SLC71A2: variants seen among roughly 807,000 people sequenced by gnomAD.
SLC71A2 encodes solute carrier family 71 member 2.
chr9:94,458,215 A>T, the SLC71A2 span: 1 of 910,468 alleles, frequency 1.1e-6, no homozygotes. Flanking sequence ...TCTTTTCCTC[A>T]GTCTTGCCGA....
the SLC71A2 span, chr9:94,441,041 T>C: frequency 4.3e-6 from 7 of 1,612,084 alleles, no homozygotes; most frequent in Middle Eastern, 1.6e-4. Flanking sequence ...TTTTCTGTTA[T>C]ATTTGCCTAT....
At chr9:94,416,122 CG>C in the SLC71A2 span, among the ~76,000 whole-genome samples, 1 of 152,030 alleles carries the variant, frequency 6.6e-6, no homozygotes, top group Admixed American at 6.6e-5. Flanking sequence ...GAAAAGATGA[CG>C]GGGGCAGATA....
At chr9:94,437,464 T>C in the SLC71A2 span, among the ~76,000 whole-genome samples, 3 of 152,162 alleles carry the variant, frequency 2.0e-5, no homozygotes, top group African/African-American at 7.2e-5. Flanking sequence ...TTTGCTTCTG[T>C]GTGGTGTTAT....
the SLC71A2 span, among the ~76,000 whole-genome samples, chr9:94,424,084 ATTC>A: frequency 2.6e-5 from 4 of 152,176 alleles, no homozygotes; most frequent in Non-Finnish European, 4.4e-5. Context: ...TATTGAAAAA[ATTC>A]TTCTTTCCCC....
the SLC71A2 span, among the ~76,000 whole-genome samples, chr9:94,452,673 A>G: frequency 3.6e-5 from 2 of 55,638 alleles, no homozygotes; most frequent in East Asian, 5.3e-4. Flanking sequence ...ATATTCATAT[A>G]TATTCATATA....
the SLC71A2 span, among the ~76,000 whole-genome samples, chr9:94,388,173 G>T: frequency 6.6e-6 from 1 of 152,076 alleles, no homozygotes; most frequent in African/African-American, 2.4e-5. Flanking sequence ...TAAATTATTA[G>T]TCAGCCAGAT....
the SLC71A2 span, among the ~76,000 whole-genome samples, chr9:94,414,853 T>C: frequency 2.6e-5 from 4 of 152,076 alleles, no homozygotes; most frequent in East Asian, 5.8e-4. Flanking sequence ...AGAGGTGGGG[T>C]TTCACTATGT....
chr9:94,403,326 C>T, the SLC71A2 span, among the ~76,000 whole-genome samples: 5 of 151,782 alleles, frequency 3.3e-5, no homozygotes, highest in African/African-American at 4.8e-5. Flanking sequence ...TTAGTAGAGA[C>T]GGGTTTGCAC....
At chr9:94,377,461 T>A in the SLC71A2 span, among the ~76,000 whole-genome samples, 4 of 149,888 alleles carry the variant, frequency 2.7e-5, no homozygotes, top group African/African-American at 9.8e-5. Context: ...CCTTAAATTC[T>A]TGGGCTCAAG....
the SLC71A2 span, among the ~76,000 whole-genome samples, chr9:94,441,492 A>AC: frequency 6.6e-6 from 1 of 152,100 alleles, no homozygotes; most frequent in African/African-American, 2.4e-5. Flanking sequence ...ATGAGAAACT[A>AC]CCCCCATGAT....
chr9:94,452,759 G>A, the SLC71A2 span, among the ~76,000 whole-genome samples: 2 of 144,108 alleles, frequency 1.4e-5, no homozygotes, highest in South Asian at 4.3e-4. Flanking sequence ...ATTATATATA[G>A]GTATTGATAA....
the SLC71A2 span, among the ~76,000 whole-genome samples, chr9:94,434,322 T>G: frequency 1.3e-5 from 2 of 152,218 alleles, no homozygotes; most frequent in Admixed American, 6.5e-5. Context: ...AGACTTGTCT[T>G]TTTTATTTTT....
the SLC71A2 span, among the ~76,000 whole-genome samples, chr9:94,402,559 G>T: frequency 1.3e-5 from 2 of 152,070 alleles, no homozygotes; most frequent in African/African-American, 2.4e-5. Flanking sequence ...TTGGGTTGTT[G>T]TATTAGTGAC....
At chr9:94,435,953 T>A in the SLC71A2 span, among the ~76,000 whole-genome samples, 7 of 140,332 alleles carry the variant, frequency 5.0e-5, no homozygotes, top group East Asian at 1.4e-3. Context: ...ACCTGGCCCC[T>A]TTTTCATTCT....
At chr9:94,375,315 C>T in the SLC71A2 span, among the ~76,000 whole-genome samples, 3 of 151,782 alleles carry the variant, frequency 2.0e-5, no homozygotes, top group Admixed American at 2.0e-4. Flanking sequence ...GCGGCAGATG[C>T]CGGGCAGCGC....
the SLC71A2 span, among the ~76,000 whole-genome samples, chr9:94,448,907 A>G: frequency 6.6e-6 from 1 of 152,218 alleles, no homozygotes; most frequent in East Asian, 1.9e-4. Flanking sequence ...TGCTGGGATT[A>G]TAGGCATGAG....
the SLC71A2 span, among the ~76,000 whole-genome samples, chr9:94,392,506 AT>A: frequency 0.48 from 71,146 of 147,142 alleles, 17,009 homozygotes; most frequent in East Asian, 0.59. Flanking sequence ...ATTTAAAAGC[AT>A]TTTTTTTTTT....
chr9:94,402,011 T>C, the SLC71A2 span, among the ~76,000 whole-genome samples: 16 of 152,160 alleles, frequency 1.1e-4, no homozygotes, highest in Non-Finnish European at 2.2e-4. Context: ...GTCATGGCAC[T>C]GGTGGGAGTA....
At chr9:94,433,116 ACACAATG>A in the SLC71A2 span, 1 of 304,398 alleles carries the variant, frequency 3.3e-6, no homozygotes, top group African/African-American at 2.3e-5. Flanking sequence ...TTGAGACGGT[ACACAATG>A]CGCAGGGCCA....
Sources: gnomAD v4.1 joint callset for allele counts (sites outside exome capture counted in the v4.1 genomes callset) on GRCh38, gnomAD v4.1.1 for gene constraint, MANE v1.5 for transcripts, NCBI Gene and HGNC (gene_info 2026-07-23, HGNC 2026-07-21) for gene names.